The following ITGB5 variants were observed in gnomAD, a reference collection of about 807,000 sequenced individuals.
The protein encoded by ITGB5 is integrin beta-5.
A neutral mutation model predicts 84.8 loss-of-function variants in ITGB5; 38 were observed. That is an observed-to-expected ratio of 0.45 (90% CI 0.35 to 0.59). The LOEUF (loss-of-function observed/expected upper bound fraction) is 0.59. Ranked by LOEUF, ITGB5 falls within the 20% of genes least tolerant of loss-of-function variation. ITGB5 has a pLI of 0.01. For synonymous variants in ITGB5, 393 were observed against 414.4 expected (o/e 0.95, Z 0.63); for missense variants, 905 against 1,034.5 (o/e 0.87, Z 1.72).
upstream of ITGB5, chr3:124,887,906 T>A (rs4679113): frequency 0.58 from 129,188 of 221,816 alleles, 39,142 homozygotes; most frequent in East Asian, 0.76. Flanking sequence ...AAAACCTACA[T>A]TTCTTTTTCT....
At chr3:124,836,030 T>C (rs2064930732) in intron 5 of ITGB5, among the ~76,000 whole-genome samples, 1 of 152,160 alleles carries the variant, frequency 6.6e-6, no homozygotes, top group African/African-American at 2.4e-5. Flanking sequence ...CTGGCACAGA[T>C]GGAAGGCAAC....
intron 5 of ITGB5, among the ~76,000 whole-genome samples, chr3:124,823,467 A>C (rs980507670): frequency 6.6e-6 from 1 of 151,752 alleles, no homozygotes; most frequent in Non-Finnish European, 1.5e-5. Context: ...CCTTACTGCA[A>C]TGAAATGCTA....
At chr3:124,838,335 G>A (rs893678035) in intron 5 of ITGB5, among the ~76,000 whole-genome samples, 1 of 152,000 alleles carries the variant, frequency 6.6e-6, no homozygotes, top group Non-Finnish European at 1.5e-5. Flanking sequence ...GACAACCACT[G>A]TTACCATTTT....
intron 10 of ITGB5, among the ~76,000 whole-genome samples, chr3:124,779,115 T>C (rs932475769): frequency 1.3e-5 from 2 of 152,144 alleles, no homozygotes; most frequent in Non-Finnish European, 2.9e-5. Flanking sequence ...GGAGCTGGCA[T>C]TGCCGTGGGT....
chr3:124,867,580 C>T (rs1176890670), intron 2 of ITGB5, among the ~76,000 whole-genome samples: 1 of 152,228 alleles, frequency 6.6e-6, no homozygotes, highest in Non-Finnish European at 1.5e-5. Flanking sequence ...TGCCAGTACA[C>T]CAAGCCCATT....
At chr3:124,874,524 T>C (rs1309506748) in intron 1 of ITGB5, among the ~76,000 whole-genome samples, 2 of 152,136 alleles carry the variant, frequency 1.3e-5, no homozygotes, top group African/African-American at 4.8e-5. Context: ...CCACAAAAGT[T>C]TGTATGAAAC....
At chr3:124,884,820 G>A (rs532771398) in intron 1 of ITGB5, among the ~76,000 whole-genome samples, 23 of 152,146 alleles carry the variant, frequency 1.5e-4, no homozygotes, top group Non-Finnish European at 3.4e-4. Flanking sequence ...TGGACCAAAA[G>A]CCATGGTCCC....
chr3:124,788,609 C>T lies in ITGB5; in HGVS notation c.1693+7779G>A, dbSNP rs1000873881. 9.2e-5 allele frequency among the ~76,000 whole-genome samples: 14 copies of T among 152,302 alleles called. No homozygotes were observed. In the Middle Eastern group the frequency reaches 0.014, roughly 148 times the overall value. On this transcript the variant is annotated intron_variant, in intron 10 of 14. Coordinates refer to ENST00000296181, the MANE Select transcript of ITGB5 (RefSeq NM_002213.5). ...CCAAAATGGAACCGGACTCTCCTGG[C>T]CCTCACTGTCATGTACATATTTAGG...
intron 5 of ITGB5, among the ~76,000 whole-genome samples, chr3:124,834,841 CAGAGGCCACAGGT>C (rs1022981687): frequency 7.9e-4 from 121 of 152,312 alleles, no homozygotes; most frequent in African/African-American, 2.4e-3. Context: ...GGCTGGAATG[CAGAGGCCACAGGT>C]AGAGGCCACA....
At chr3:124,767,005 C>T (rs544826376) in intron 12 of ITGB5, among the ~76,000 whole-genome samples, 1 of 152,378 alleles carries the variant, frequency 6.6e-6, no homozygotes, top group South Asian at 2.1e-4. Flanking sequence ...CTCAGCAACT[C>T]CCTGCCCCCT....
intron 9 of ITGB5, among the ~76,000 whole-genome samples, chr3:124,805,076 C>G (rs994765573): frequency 1.3e-5 from 2 of 149,578 alleles, no homozygotes; most frequent in African/African-American, 5.0e-5. Context: ...CCTGCCCTTC[C>G]TTTCCGTTTC....
Position 124,796,492 on chromosome 3 carries a change from C to T in ITGB5, c.1589G>A (p.Cys530Tyr). The change falls in exon 10 of 15, where the codon TGC becomes TAC. Residue 530 changes from cysteine (C) to tyrosine (Y), a missense_variant. Coordinates refer to ENST00000296181, the MANE Select transcript of ITGB5 (RefSeq NM_002213.5). ...PLCSGRGDCS[C>Y]NQCSCFESEF... ...GCTCTCGAAGCAGGAGCACTGGTTG[C>T]AGCTGCAGTCCCCACGCCCGCTGCA... 1 of 1,614,136 alleles carries T rather than the reference C, an allele frequency of 6.2e-7. No homozygotes were observed. The highest frequency in any genetic ancestry group is 8.5e-7 in the Non-Finnish European group (1 of 1,180,026).
At chr3:124,765,601 GAGACCCTCCCCAGGGACA>G (rs1399169918) in intron 13 of ITGB5, among the ~76,000 whole-genome samples, 1 of 152,218 alleles carries the variant, frequency 6.6e-6, no homozygotes, top group Non-Finnish European at 1.5e-5. Context: ...CCTCCAAGAT[GAGACCCTCCCCAGGGACA>G]GGGCCCTATC....
At chr3:124,870,125 C>T (rs764201465) in intron 2 of ITGB5, among the ~76,000 whole-genome samples, 1 of 152,180 alleles carries the variant, frequency 6.6e-6, no homozygotes, top group Non-Finnish European at 1.5e-5. Flanking sequence ...TTTCTAACTT[C>T]ATGTCTTTTT....
At chr3:124,864,954 GT>G (rs1210075017) in intron 2 of ITGB5, among the ~76,000 whole-genome samples, 1 of 152,172 alleles carries the variant, frequency 6.6e-6, no homozygotes, top group Non-Finnish European at 1.5e-5. Context: ...ACAGACCTAA[GT>G]TCACCCAAGA....
At chr3:124,872,216 A>G (rs1934089362) in intron 2 of ITGB5, among the ~76,000 whole-genome samples, 1 of 152,246 alleles carries the variant, frequency 6.6e-6, no homozygotes, top group African/African-American at 2.4e-5. Context: ...TTGGCATTTT[A>G]GAGAGTTCAT....
At chr3:124,831,754 A>C (rs1189031917) in intron 5 of ITGB5, among the ~76,000 whole-genome samples, 1 of 152,150 alleles carries the variant, frequency 6.6e-6, no homozygotes, top group Admixed American at 6.5e-5. Context: ...GGCCCTCAAG[A>C]CTGTTATCAA....
At position 124,766,219 on chromosome 3, in the gene ITGB5, C is replaced by G. The variant is rs1382282568; in HGVS notation, c.2137+7G>C. 6.2e-7 allele frequency: 1 copy of G among 1,612,844 alleles called. No homozygotes were observed. On this transcript the variant is annotated splice_region_variant and intron_variant, in intron 13 of 14. Transcript: ENST00000296181. ...GAGTGGGCCGAGCCCTTGCAGCCCT[C>G]ACCTACCTGGCTCCCTGAGGACGGT...
At chr3:124,765,376 A>T (rs2063751548) in intron 13 of ITGB5, among the ~76,000 whole-genome samples, 1 of 152,154 alleles carries the variant, frequency 6.6e-6, no homozygotes, top group African/African-American at 2.4e-5. Flanking sequence ...GGAATGTTGA[A>T]CCCAGTGCTC....
Sources: gnomAD v4.1 joint callset for allele counts (sites outside exome capture counted in the v4.1 genomes callset) on GRCh38, gnomAD v4.1.1 for gene constraint, MANE v1.5 for transcripts, NCBI Gene and HGNC (gene_info 2026-07-23, HGNC 2026-07-21) for gene names.